Variants in RAP1GAP2 observed in about 807,000 individuals in gnomAD.
RAP1GAP2 encodes RAP1 GTPase activating protein 2, also known as rap1 GTPase-activating protein 2.
Under a neutral mutation model 95.0 loss-of-function variants are expected in RAP1GAP2, and 27 were observed. The observed-to-expected ratio is 0.28, with a 90% CI of 0.21 to 0.39. The LOEUF is 0.39. Among genes scored for constraint, RAP1GAP2 ranks in the 10% least tolerant of loss-of-function variants. The probability of loss-of-function intolerance (pLI) is 1.00; values close to 1 mark genes in which losing one functional copy is unlikely to be tolerated. For synonymous variants in RAP1GAP2, 373 were observed against 380.9 expected (o/e 0.98, Z 0.24); for missense variants, 771 against 970.0 (o/e 0.79, Z 2.72).
intron 3 of RAP1GAP2, among the ~76,000 whole-genome samples, chr17:2,938,434 A>G (rs1452462022): frequency 6.6e-6 from 1 of 151,968 alleles, no homozygotes; most frequent in Non-Finnish European, 1.5e-5. Context: ...ATGGGTATGG[A>G]GCGTGACATG....
intron 2 of RAP1GAP2, among the ~76,000 whole-genome samples, chr17:2,838,016 C>CTTTTTTTTTTT (rs71153304): frequency 2.1e-5 from 2 of 94,442 alleles, no homozygotes; most frequent in African/African-American, 8.8e-5. Context: ...TTCTTTTTTC[C>CTTTTTTTTTTT]TTTTTTTTTT....
chr17:2,891,496 C>T lies in RAP1GAP2; in HGVS notation c.81-13788C>T, dbSNP rs1372217305. Among the ~76,000 whole-genome samples, 4 of 151,980 alleles carry T rather than the reference C, an allele frequency of 2.6e-5. No homozygotes were observed. The South Asian group carries it at 8.3e-4, about 32-fold the overall frequency. On this transcript the variant is annotated intron_variant, in intron 2 of 24. Coordinates refer to ENST00000254695, the MANE Select transcript of RAP1GAP2 (RefSeq NM_015085.5). ...AATTACTTTAATAGATGGCCCCTCC[C>T]TACCCTCCCCCATCTCCGCCAAGCT...
chr17:2,995,698 G>T (rs1396659229), intron 13 of RAP1GAP2, among the ~76,000 whole-genome samples: 1 of 150,324 alleles, frequency 6.7e-6, no homozygotes, highest in African/African-American at 2.5e-5. Flanking sequence ...GGGGCCCTGG[G>T]CGGGAGGCGG....
At chr17:2,992,310 C>T (rs1003175454) in intron 12 of RAP1GAP2, among the ~76,000 whole-genome samples, 11 of 151,938 alleles carry the variant, frequency 7.2e-5, no homozygotes, top group East Asian at 5.8e-4. Context: ...ACAAGGCGCG[C>T]GCCACCATGC....
intron 2 of RAP1GAP2, among the ~76,000 whole-genome samples, chr17:2,862,996 CAAAAAAAA>C (rs1164520490): frequency 1.0e-4 from 5 of 49,018 alleles, no homozygotes; most frequent in South Asian, 6.2e-4. Flanking sequence ...GACTCTGTCT[CAAAAAAAA>C]AAAAAAAAAA....
At chr17:2,952,780 A>G (rs1308847875) in intron 3 of RAP1GAP2, among the ~76,000 whole-genome samples, 1 of 150,596 alleles carries the variant, frequency 6.6e-6, no homozygotes, top group Non-Finnish European at 1.5e-5. Context: ...TCCTTTAATC[A>G]TTTGTTCATG....
intron 8 of RAP1GAP2, among the ~76,000 whole-genome samples, chr17:2,966,608 C>T (rs2044609882): frequency 6.6e-6 from 1 of 152,274 alleles, no homozygotes; most frequent in South Asian, 2.1e-4. Context: ...TTCAGGATGT[C>T]GTCAGCACCC....
intron 3 of RAP1GAP2, among the ~76,000 whole-genome samples, chr17:2,936,936 A>G (rs2043326596): frequency 2.0e-5 from 3 of 152,210 alleles, no homozygotes; most frequent in Admixed American, 1.3e-4. Context: ...TCCTTTCTTC[A>G]GTTATTCATT....
At chr17:2,783,126 T>C (rs900563297) in intron 1 of RAP1GAP2, among the ~76,000 whole-genome samples, 3 of 152,174 alleles carry the variant, frequency 2.0e-5, no homozygotes, top group Admixed American at 2.0e-4. Context: ...TAGTAAGTGA[T>C]GGAGCCGGGT....
intron 2 of RAP1GAP2, among the ~76,000 whole-genome samples, chr17:2,864,970 A>G (rs1289651791): frequency 6.6e-6 from 1 of 152,164 alleles, no homozygotes; most frequent in African/African-American, 2.4e-5. Context: ...CTTATGCTTC[A>G]CTTACCTCAT....
intron 3 of RAP1GAP2, among the ~76,000 whole-genome samples, chr17:2,921,608 A>T (rs2042774146): frequency 6.6e-6 from 1 of 151,484 alleles, no homozygotes; most frequent in Admixed American, 6.6e-5. Flanking sequence ...CAGGGTCGTT[A>T]AGGTGTCAGC....
At chr17:2,820,585 A>C (rs1597371628) in intron 2 of RAP1GAP2, among the ~76,000 whole-genome samples, 1 of 147,594 alleles carries the variant, frequency 6.8e-6, no homozygotes, top group African/African-American at 2.5e-5. Context: ...TCATCACTGC[A>C]CTCCAGCCTG....
intron 2 of RAP1GAP2, among the ~76,000 whole-genome samples, chr17:2,814,474 C>A (rs1567672305): frequency 6.6e-6 from 1 of 152,142 alleles, no homozygotes; most frequent in African/African-American, 2.4e-5. Context: ...CCACGCACAG[C>A]CCCTTCCCCA....
intron 2 of RAP1GAP2, among the ~76,000 whole-genome samples, chr17:2,883,592 T>C (rs1268287797): frequency 3.3e-5 from 5 of 152,228 alleles, no homozygotes; most frequent in African/African-American, 9.6e-5. Context: ...TCTTTTTTTT[T>C]CCTCACCTGT....
At chr17:2,802,641 G>T (rs2069350705) in intron 2 of RAP1GAP2, among the ~76,000 whole-genome samples, 1 of 152,186 alleles carries the variant, frequency 6.6e-6, no homozygotes, top group Admixed American at 6.5e-5. Context: ...AACCTGGGAG[G>T]TGGAGGTTGC....
intron 4 of RAP1GAP2, among the ~76,000 whole-genome samples, chr17:2,959,108 A>G (rs1455728046): frequency 2.0e-5 from 3 of 151,984 alleles, no homozygotes; most frequent in South Asian, 2.1e-4. Flanking sequence ...GGATCCTGGC[A>G]CTCTGGGAAG....
rs539356952 is a variant in RAP1GAP2, at chr17:2,984,206, G to A, written c.730-777G>A. 9.2e-5 allele frequency among the ~76,000 whole-genome samples: 14 copies of A among 152,142 alleles called. No individual in the cohort carries two copies. In the South Asian group the frequency reaches 1.7e-3, roughly 18 times the overall value. On this transcript the variant is annotated intron_variant, in intron 10 of 24. Coordinates refer to ENST00000254695, the MANE Select transcript of RAP1GAP2 (RefSeq NM_015085.5). ...TCTACTAAAAATACAAAAATTAGCC[G>A]GTGTGATGGTGGGGGCCTGTAATCC...
intron 1 of RAP1GAP2, among the ~76,000 whole-genome samples, chr17:2,798,538 G>T (rs1005998826): frequency 6.6e-6 from 1 of 151,914 alleles, no homozygotes; most frequent in African/African-American, 2.4e-5. Context: ...GATTCCTGGA[G>T]CCCTGGTCCC....
At chr17:2,962,433 G>A (rs1242526286) in intron 4 of RAP1GAP2, 2 of 499,840 alleles carry the variant, frequency 4.0e-6, no homozygotes, top group Non-Finnish European at 7.0e-6. Context: ...GGCAGTGTTG[G>A]GATTTGAACC....
Sources: allele counts gnomAD v4.1 joint callset (sites outside exome capture counted in the v4.1 genomes callset), GRCh38; gene constraint gnomAD v4.1.1; transcripts MANE v1.5; gene names NCBI Gene and HGNC (gene_info 2026-07-23, HGNC 2026-07-21).